Variants in MYO3B observed in about 807,000 individuals in gnomAD.
The protein encoded by MYO3B is myosin-IIIb.
MYO3B carries 156 observed loss-of-function variants against 174.6 expected under a neutral mutation model. The observed-to-expected ratio is 0.89, with a 90% CI of 0.78 to 1.02. The LOEUF is 1.02. Ranked by LOEUF, MYO3B falls within the 50% of genes least tolerant of loss-of-function variation. The pLI, the probability that MYO3B is intolerant of heterozygous loss-of-function variation, is 0.00. For synonymous variants in MYO3B, 563 were observed against 569.1 expected (o/e 0.99, Z 0.15); for missense variants, 1,632 against 1,639.4 (o/e 1.00, Z 0.08).
chr2:170,259,170 A>G (rs1052960535), intron 7 of MYO3B, among the ~76,000 whole-genome samples: 1 of 152,300 alleles, frequency 6.6e-6, no homozygotes, highest in South Asian at 2.1e-4. Context: ...CACTATTCCT[A>G]TGAAACTACC....
chr2:170,523,254 A>G (rs919823470), intron 30 of MYO3B, among the ~76,000 whole-genome samples: 3 of 152,124 alleles, frequency 2.0e-5, no homozygotes, highest in South Asian at 2.1e-4. Context: ...ACTTCTCAGC[A>G]CTCAGATTTT....
rs2093431468 is a variant in MYO3B, at chr2:170,272,345, G to A, written c.749+36209G>A. Among the ~76,000 whole-genome samples, 4 of 152,060 alleles carry A rather than the reference G, an allele frequency of 2.6e-5. No homozygotes were observed. The South Asian group carries it at 8.3e-4, about 32-fold the overall frequency. ...TTTCCAACCCTTCTGTTACTGCCTT[G>A]GTGTAACCCTCATCAGTCTGGACCA... On this transcript the variant is annotated intron_variant, in intron 7 of 34. Transcript: ENST00000408978.
At chr2:170,433,595 CA>C (rs1381308209) in intron 22 of MYO3B, among the ~76,000 whole-genome samples, 1 of 152,152 alleles carries the variant, frequency 6.6e-6, no homozygotes, top group Non-Finnish European at 1.5e-5. Context: ...ATGAAGGATG[CA>C]AAAGGGTTTT....
At chr2:170,327,141 C>T (rs2093874033) in intron 7 of MYO3B, among the ~76,000 whole-genome samples, 3 of 152,216 alleles carry the variant, frequency 2.0e-5, no homozygotes, top group African/African-American at 7.2e-5. Flanking sequence ...AATCCCAGCA[C>T]TTTGGGAGGC....
At chr2:170,501,572 G>C (rs1009389322) in intron 27 of MYO3B, among the ~76,000 whole-genome samples, 2 of 152,130 alleles carry the variant, frequency 1.3e-5, no homozygotes, top group African/African-American at 4.8e-5. Context: ...CTGAACAAAA[G>C]CAACCCCTCA....
chr2:170,591,490 C>T (rs1559141774), intron 32 of MYO3B, among the ~76,000 whole-genome samples: 1 of 152,052 alleles, frequency 6.6e-6, no homozygotes, highest in East Asian at 1.9e-4. Flanking sequence ...AGGTTAATGA[C>T]AAAGAGGTTA....
intron 12 of MYO3B, among the ~76,000 whole-genome samples, chr2:170,385,390 G>C (rs1295538322): frequency 2.6e-5 from 4 of 152,214 alleles, no homozygotes; most frequent in South Asian, 2.1e-4. Flanking sequence ...ATAAACTGAG[G>C]TATGGTTGAA....
chr2:170,268,166 C>T (rs1392131491), intron 7 of MYO3B, among the ~76,000 whole-genome samples: 2 of 152,046 alleles, frequency 1.3e-5, no homozygotes, highest in African/African-American at 4.8e-5. Context: ...AAGAAAGAAA[C>T]TAAAGGAATG....
intron 9 of MYO3B, among the ~76,000 whole-genome samples, chr2:170,377,654 T>A (rs2094304822): frequency 6.6e-6 from 1 of 152,154 alleles, no homozygotes; most frequent in South Asian, 2.1e-4. Context: ...GCCAAGACTT[T>A]CCCTCTAAGC....
At chr2:170,601,161 A>T (rs541244288) in intron 32 of MYO3B, among the ~76,000 whole-genome samples, 1 of 89,870 alleles carries the variant, frequency 1.1e-5, no homozygotes, top group Admixed American at 9.4e-5. Flanking sequence ...CAATACTAAT[A>T]AAAAAATTGT....
chr2:170,483,547 C>T (rs1338917826), intron 25 of MYO3B, among the ~76,000 whole-genome samples: 1 of 128,212 alleles, frequency 7.8e-6, no homozygotes, highest in African/African-American at 4.5e-5. Context: ...CTACCACGCC[C>T]GGCTAATTTT....
chr2:170,470,127 A>AAG (rs1559032922), intron 25 of MYO3B, among the ~76,000 whole-genome samples: 3 of 141,886 alleles, frequency 2.1e-5, no homozygotes, highest in Non-Finnish European at 4.6e-5. Context: ...AAAAAAAAAA[A>AAG]AAAGAAGGAA....
intron 8 of MYO3B, among the ~76,000 whole-genome samples, chr2:170,361,520 A>C (rs2105648150): frequency 6.6e-6 from 1 of 152,358 alleles, no homozygotes; most frequent in East Asian, 1.9e-4. Context: ...GCAGAGGGCA[A>C]CCTTATCCCC....
At position 170,217,330 on chromosome 2, in the gene MYO3B, C is replaced by T. The variant is rs750795252; in HGVS notation, c.538C>T (p.Gln180Ter). Residue 180 changes from glutamine to a stop codon, truncating the protein, a stop_gained, in exon 6 of 35, where the codon CAA becomes TAA. Transcript: ENST00000408978. LOFTEE classifies it high-confidence loss of function. ...CTCTTTCCTTATAGGTGTTTCAGCT[C>T]AACTCACCAGTACACGTCTGCGGAG... ...VKLVDFGVSA[Q>*]LTSTRLRRNT... is the part of the protein sequence containing the mutation. 1.7e-5 allele frequency: 27 copies of T among 1,613,888 alleles called. No individual in the cohort carries two copies. The highest frequency in any genetic ancestry group is 2.3e-5 in the Non-Finnish European group (27 of 1,179,868).
At chr2:170,517,717 G>T (rs529477371) in intron 29 of MYO3B, among the ~76,000 whole-genome samples, 1 of 152,196 alleles carries the variant, frequency 6.6e-6, no homozygotes, top group Non-Finnish European at 1.5e-5. Flanking sequence ...TCCCTGAAGT[G>T]GGTTCCCCTT....
intron 8 of MYO3B, chr2:170,343,789 A>G (rs2093995144): frequency 6.6e-6 from 1 of 152,234 alleles, no homozygotes. Flanking sequence ...TGCTAATTAG[A>G]TTTTTGGCCT....
chr2:170,272,837 C>G (rs2093435143), intron 7 of MYO3B, among the ~76,000 whole-genome samples: 1 of 152,144 alleles, frequency 6.6e-6, no homozygotes, highest in Non-Finnish European at 1.5e-5. Flanking sequence ...GATCCTTAAG[C>G]CTTCAGTTTT....
At position 170,542,961 on chromosome 2, in the gene MYO3B, A is replaced by G; in HGVS notation, c.3631A>G (p.Asn1211Asp). The G allele has an allele frequency of 6.2e-7, 1 of 1,609,424 alleles. No individual in the cohort carries two copies. The change falls in exon 31 of 35, where the codon AAC (asparagine) becomes GAC (aspartate). Residue 1211 changes from asparagine to aspartate, a missense_variant. Asn to Asp is a conservative substitution (Grantham distance 23). Coordinates refer to ENST00000408978, the MANE Select transcript of MYO3B (RefSeq NM_138995.5). ...KGCDIFAGHA[N>D]KHSVSGTDLL... is the part of the protein sequence containing the mutation. ...GTGCGATATCTTCGCAGGACATGCA[A>G]ACAAGGTAGCTGGATATCTTGATTC...
At chr2:170,203,891 C>G (rs2105345403) in intron 3 of MYO3B, among the ~76,000 whole-genome samples, 1 of 152,204 alleles carries the variant, frequency 6.6e-6, no homozygotes, top group South Asian at 2.1e-4. Flanking sequence ...AATGGAACAG[C>G]ATTACATCCC....
Sources: allele counts gnomAD v4.1 joint callset (sites outside exome capture counted in the v4.1 genomes callset), GRCh38; gene constraint gnomAD v4.1.1; transcripts MANE v1.5; gene names NCBI Gene and HGNC (gene_info 2026-07-23, HGNC 2026-07-21).